Variants in RAB3C observed in about 807,000 individuals in gnomAD.
The protein encoded by RAB3C is ras-related protein Rab-3C.
RAB3C carries 17 observed loss-of-function variants against 26.4 expected under a neutral mutation model. The ratio of observed to expected loss-of-function variants is 0.64; its 90% CI spans 0.44 to 0.97. The LOEUF (loss-of-function observed/expected upper bound fraction) is 0.97. RAB3C is among the 50% of genes least tolerant of loss of function. RAB3C has a pLI of 0.00. For synonymous variants in RAB3C, 91 were observed against 95.9 expected, an observed-to-expected ratio of 0.95 and a Z score of 0.30; for missense variants, 242 against 281.9, an observed-to-expected ratio of 0.86 and a Z score of 1.01.
chr5:58,756,350 TATATATATATAAC>T (rs1448032762), intron 3 of RAB3C, among the ~76,000 whole-genome samples: 1 of 138,364 alleles, frequency 7.2e-6, no homozygotes, highest in African/African-American at 2.9e-5. Context: ...ATATATGTTA[TATATATATATAAC>T]ATATATATAT....
At position 58,824,947 on chromosome 5, in the gene RAB3C, C is replaced by T. The variant is rs144337803; in HGVS notation, c.372-91C>T. ...TCGTGTTTTTTTTTTCCTTTTGCTACCATCATCATCTGTGGAATGTATTTC... is the reference window on the plus strand; with the variant it reads ...TCGTGTTTTTTTTTTCCTTTTGCTATCATCATCATCTGTGGAATGTATTTC... On this transcript the variant is annotated intron_variant, in intron 3 of 4. Transcript: ENST00000282878. The T allele has an allele frequency of 2.0e-4, 168 of 845,366 alleles. 3 individuals carry two copies. The highest frequency in any genetic ancestry group is 5.0e-4 in the Middle Eastern group (2 of 4,032). The allele number at this position is 845,366 out of a possible 1,614,324, so 52.4% of individuals were successfully genotyped here.
intron 3 of RAB3C, among the ~76,000 whole-genome samples, chr5:58,775,159 T>G (rs1369287366): frequency 6.6e-6 from 1 of 152,126 alleles, no homozygotes; most frequent in Non-Finnish European, 1.5e-5. Context: ...GCCACCACAT[T>G]TGTCAAAAGG....
intron 2 of RAB3C, among the ~76,000 whole-genome samples, chr5:58,649,931 G>GT (rs960013162): frequency 6.6e-6 from 1 of 152,180 alleles, no homozygotes; most frequent in Non-Finnish European, 1.5e-5. Context: ...ACTCTCTGTT[G>GT]TTTTTTCAGG....
chr5:58,697,407 G>A (rs918689303), intron 2 of RAB3C, among the ~76,000 whole-genome samples: 7 of 152,142 alleles, frequency 4.6e-5, no homozygotes, highest in Admixed American at 2.6e-4. Flanking sequence ...CTGTTGATTT[G>A]GGGTGGAGAG....
At chr5:58,654,938 T>A (rs1747736231) in intron 2 of RAB3C, among the ~76,000 whole-genome samples, 1 of 152,200 alleles carries the variant, frequency 6.6e-6, no homozygotes, top group Non-Finnish European at 1.5e-5. Flanking sequence ...CAGTAAGTGA[T>A]GAAATATAAA....
At chr5:58,598,287 A>G (rs1000399693) in intron 1 of RAB3C, among the ~76,000 whole-genome samples, 2 of 150,414 alleles carry the variant, frequency 1.3e-5, no homozygotes, top group African/African-American at 4.9e-5. Flanking sequence ...AAGCCTTTTA[A>G]TGATTCCCAA....
At chr5:58,696,037 C>G (rs972551495) in intron 2 of RAB3C, among the ~76,000 whole-genome samples, 10 of 152,150 alleles carry the variant, frequency 6.6e-5, no homozygotes, top group Admixed American at 2.6e-4. Flanking sequence ...TTTGTCCATT[C>G]AGTATGATAT....
intron 3 of RAB3C, among the ~76,000 whole-genome samples, chr5:58,819,159 T>C (rs1743283500): frequency 6.6e-6 from 1 of 152,198 alleles, no homozygotes; most frequent in Admixed American, 6.5e-5. Flanking sequence ...ACTTAAAAAG[T>C]ACAGTGTGGC....
intron 1 of RAB3C, among the ~76,000 whole-genome samples, chr5:58,595,066 G>A (rs1746218446): frequency 6.6e-6 from 1 of 152,086 alleles, no homozygotes; most frequent in South Asian, 2.1e-4. Context: ...AATGGAGCGA[G>A]GGGGAAGTAA....
At chr5:58,596,289 G>C (rs1746246690) in intron 1 of RAB3C, among the ~76,000 whole-genome samples, 1 of 151,586 alleles carries the variant, frequency 6.6e-6, no homozygotes, top group African/African-American at 2.4e-5. Context: ...TTTTCAGCAG[G>C]CTTAGGATTC....
chr5:58,800,067 G>A (rs148275275), intron 3 of RAB3C, among the ~76,000 whole-genome samples: 6 of 152,266 alleles, frequency 3.9e-5, no homozygotes, highest in East Asian at 1.9e-4. Flanking sequence ...CGTGCTCCAC[G>A]TCCATGAATT....
At chr5:58,669,571 G>A (rs1244483009) in intron 2 of RAB3C, among the ~76,000 whole-genome samples, 1 of 152,162 alleles carries the variant, frequency 6.6e-6, no homozygotes, top group Non-Finnish European at 1.5e-5. Flanking sequence ...TAGACAGAAG[G>A]CAGTAGTTTA....
In RAB3C at chr5:58,783,926, C is replaced by T. The variant is rs138449519; in HGVS notation, c.372-41112C>T. ...CTGCCCCTATAACCATATAAAAGTC[C>T]GTTGGGAGACCCAGAAGTTGAAATG... is the stretch of plus-strand genomic sequence containing the variant. On this transcript the variant is annotated intron_variant, in intron 3 of 4. Coordinates refer to ENST00000282878, the MANE Select transcript of RAB3C (RefSeq NM_138453.4). 5.6e-3 allele frequency among the ~76,000 whole-genome samples: 855 copies of T among 152,182 alleles called. 7 individuals carry two copies. The highest frequency in any genetic ancestry group is 0.019 in the African/African-American group (805 of 41,516).
chr5:58,664,913 G>A lies in RAB3C; in HGVS notation c.252+47043G>A, dbSNP rs1456651994. ...TCCTAACCACACTTGGCTTCTTTTGGTTTCTCAAATACTCCAAAGGTGTTC... is the reference window on the plus strand; with the variant it reads ...TCCTAACCACACTTGGCTTCTTTTGATTTCTCAAATACTCCAAAGGTGTTC... On this transcript the variant is annotated intron_variant, in intron 2 of 4. Coordinates refer to ENST00000282878, the MANE Select transcript of RAB3C (RefSeq NM_138453.4). Among the ~76,000 whole-genome samples the A allele has an allele frequency of 2.6e-5, 4 of 151,844 alleles. No individual in the cohort carries two copies. In the East Asian group the frequency reaches 5.8e-4, roughly 22 times the overall value.
chr5:58,594,885 T>C (rs1298066256), intron 1 of RAB3C, among the ~76,000 whole-genome samples: 1 of 151,742 alleles, frequency 6.6e-6, no homozygotes. Context: ...TGGGAATTTT[T>C]AGAGTACCTT....
chr5:58,741,991 G>C (rs1014142261), intron 3 of RAB3C: 1 of 149,968 alleles, frequency 6.7e-6, no homozygotes, highest in Admixed American at 6.6e-5. Flanking sequence ...ACAACACAGC[G>C]AGACTCCGTC....
At chr5:58,841,998 A>G (rs958798381) in intron 4 of RAB3C, among the ~76,000 whole-genome samples, 1 of 152,148 alleles carries the variant, frequency 6.6e-6, no homozygotes, top group African/African-American at 2.4e-5. Context: ...AGTAAGTACA[A>G]TGCTCTTTAT....
chr5:58,755,627 C>T (rs773537634), intron 3 of RAB3C, among the ~76,000 whole-genome samples: 22 of 152,172 alleles, frequency 1.4e-4, no homozygotes, highest in Non-Finnish European at 2.2e-4. Flanking sequence ...TGGCTGCTGC[C>T]AGGGCTTGTA....
chr5:58,713,224 G>A (rs1188568389), intron 2 of RAB3C, among the ~76,000 whole-genome samples: 1 of 152,124 alleles, frequency 6.6e-6, no homozygotes, highest in Non-Finnish European at 1.5e-5. Context: ...CATAAAGACA[G>A]CCAGATAAGA....
Sources: allele counts gnomAD v4.1 joint callset (sites outside exome capture counted in the v4.1 genomes callset), GRCh38; gene constraint gnomAD v4.1.1; transcripts MANE v1.5; gene names NCBI Gene and HGNC (gene_info 2026-07-23, HGNC 2026-07-21).